FHOD3: variants seen among roughly 807,000 people sequenced by gnomAD.
The protein encoded by FHOD3 is FH1/FH2 domain-containing protein 3.
A neutral mutation model predicts 173.0 loss-of-function variants in FHOD3; 90 were observed. That is an observed-to-expected ratio of 0.52 (90% CI 0.44 to 0.62). The LOEUF is 0.62. Ranked by LOEUF, FHOD3 falls within the 20% of genes least tolerant of loss-of-function variation. The pLI is 0.00. For synonymous variants in FHOD3, 828 were observed against 823.0 expected (o/e 1.01, Z -0.10); for missense variants, 1,945 against 2,034.7 (o/e 0.96, Z 0.85).
At chr18:36,615,034 G>C (rs905851306) in intron 9 of FHOD3, among the ~76,000 whole-genome samples, 1 of 151,922 alleles carries the variant, frequency 6.6e-6, no homozygotes, top group Non-Finnish European at 1.5e-5. Context: ...GTTTTTGGTA[G>C]AGATGGGGTT....
intron 3 of FHOD3, among the ~76,000 whole-genome samples, chr18:36,424,491 A>G (rs939011853): frequency 6.6e-6 from 1 of 152,212 alleles, no homozygotes; most frequent in South Asian, 2.1e-4. Context: ...GAATGTCAGT[A>G]CGTGAGGGCA....
chr18:36,655,053 CTTTTT>C (rs56831321), intron 13 of FHOD3, among the ~76,000 whole-genome samples: 8 of 125,044 alleles, frequency 6.4e-5, no homozygotes, highest in Non-Finnish European at 6.6e-5. Context: ...TTTTTTCCTT[CTTTTT>C]TTTTTTTTTT....
intron 10 of FHOD3, among the ~76,000 whole-genome samples, chr18:36,632,136 G>T (rs1054235771): frequency 6.6e-6 from 1 of 152,112 alleles, no homozygotes; most frequent in African/African-American, 2.4e-5. Context: ...TTTAAATATT[G>T]ATATTGCCAT....
At chr18:36,659,854 C>T (rs1475550348) in intron 14 of FHOD3, among the ~76,000 whole-genome samples, 1 of 152,190 alleles carries the variant, frequency 6.6e-6, no homozygotes, top group Non-Finnish European at 1.5e-5. Context: ...ATCCCAGGTC[C>T]AGGTTTGGGC....
intron 3 of FHOD3, among the ~76,000 whole-genome samples, chr18:36,374,154 T>G (rs968637300): frequency 2.0e-5 from 3 of 152,236 alleles, no homozygotes; most frequent in Non-Finnish European, 4.4e-5. Flanking sequence ...CTCACTCCTT[T>G]GCAGTATGTA....
At chr18:36,701,713 G>A (rs1276027740) in intron 17 of FHOD3, among the ~76,000 whole-genome samples, 1 of 152,154 alleles carries the variant, frequency 6.6e-6, no homozygotes, top group Non-Finnish European at 1.5e-5. Flanking sequence ...GTATTTGGGG[G>A]TAACACAGCC....
At chr18:36,486,563 C>A (rs575123735) in intron 3 of FHOD3, among the ~76,000 whole-genome samples, 3 of 152,310 alleles carry the variant, frequency 2.0e-5, no homozygotes, top group Middle Eastern at 3.4e-3. Flanking sequence ...GTTTATATAA[C>A]ATCTTATGGA....
At chr18:36,498,039 G>T (rs370554371) in intron 3 of FHOD3, among the ~76,000 whole-genome samples, 2 of 152,060 alleles carry the variant, frequency 1.3e-5, no homozygotes, top group Admixed American at 1.3e-4. Context: ...ATTAGTAACA[G>T]ATATCTGGAA....
intron 23 of FHOD3, 145 bp downstream of exon 23, chr18:36,744,338 T>C (rs1282318635): frequency 2.4e-6 from 2 of 816,766 alleles, no homozygotes; most frequent in African/African-American, 1.7e-5. Flanking sequence ...TGAATATGAT[T>C]TGTTTTGTGG....
intron 10 of FHOD3, among the ~76,000 whole-genome samples, chr18:36,631,456 G>A (rs2034505296): frequency 6.6e-6 from 1 of 152,208 alleles, no homozygotes; most frequent in Non-Finnish European, 1.5e-5. Flanking sequence ...GGTGCCAACT[G>A]TGTGATGTAA....
chr18:36,457,356 C>T (rs570767514), intron 3 of FHOD3, among the ~76,000 whole-genome samples: 2 of 152,268 alleles, frequency 1.3e-5, no homozygotes, highest in East Asian at 3.9e-4. Context: ...GGCCACCAGG[C>T]ACCCTGGTGA....
At chr18:36,760,870 G>A (rs2042846716) in intron 27 of FHOD3, 88 bp downstream of exon 27, 3 of 1,363,568 alleles carry the variant, frequency 2.2e-6, no homozygotes, top group East Asian at 2.6e-5. Context: ...TGCGGTCCAC[G>A]GCTGTGACTG....
At position 36,423,016 on chromosome 18, in the gene FHOD3, C is replaced by A. The variant is rs554800027; in HGVS notation, c.337+50272C>A. Among the ~76,000 whole-genome samples, 48 of 152,214 alleles carry A rather than the reference C, an allele frequency of 3.2e-4. No individual in the cohort carries two copies. The South Asian group carries it at 9.1e-3, about 29-fold the overall frequency. Reference sequence around the variant, plus strand: ...CCTGTTGTCTCCTTCCTAGGTCATTCCCCTTCGTGGCTTCAGTTTCTCTGC... The same window carrying A: ...CCTGTTGTCTCCTTCCTAGGTCATTACCCTTCGTGGCTTCAGTTTCTCTGC... On this transcript the variant is annotated intron_variant, in intron 3 of 28. Transcript: ENST00000590592.
intron 24 of FHOD3, among the ~76,000 whole-genome samples, chr18:36,753,841 C>G (rs1198970212): frequency 6.6e-6 from 1 of 152,118 alleles, no homozygotes; most frequent in African/African-American, 2.4e-5. Context: ...TGGCCGTGTG[C>G]ATATCTTTTT....
intron 3 of FHOD3, among the ~76,000 whole-genome samples, chr18:36,479,330 A>G (rs2053755824): frequency 6.6e-6 from 1 of 152,234 alleles, no homozygotes; most frequent in African/African-American, 2.4e-5. Context: ...TATTCATAAT[A>G]TAACCCTTCC....
intron 3 of FHOD3, among the ~76,000 whole-genome samples, chr18:36,479,411 G>A (rs1949610447): frequency 6.6e-6 from 1 of 152,128 alleles, no homozygotes; most frequent in Non-Finnish European, 1.5e-5. Flanking sequence ...TTTTTGCCCA[G>A]TGATCACTTG....
At chr18:36,387,520 A>G (rs1446639531) in intron 3 of FHOD3, among the ~76,000 whole-genome samples, 2 of 152,200 alleles carry the variant, frequency 1.3e-5, no homozygotes, top group African/African-American at 4.8e-5. Context: ...TAACACATCA[A>G]TCTTTATTCA....
intron 1 of FHOD3, among the ~76,000 whole-genome samples, chr18:36,320,254 A>C (rs1429576577): frequency 6.6e-6 from 1 of 152,242 alleles, no homozygotes; most frequent in Non-Finnish European, 1.5e-5. Flanking sequence ...AATAAAGAAG[A>C]AAAGAGAGAA....
chr18:36,534,451 G>A (rs1274902463), intron 5 of FHOD3, among the ~76,000 whole-genome samples: 1 of 151,842 alleles, frequency 6.6e-6, no homozygotes, highest in Non-Finnish European at 1.5e-5. Flanking sequence ...TGGCAGAGGT[G>A]GGACTATTTT....
Sources: gnomAD v4.1 joint callset for allele counts (sites outside exome capture counted in the v4.1 genomes callset) on GRCh38, gnomAD v4.1.1 for gene constraint, MANE v1.5 for transcripts, NCBI Gene and HGNC (gene_info 2026-07-23, HGNC 2026-07-21) for gene names.